KIAA1549: variants seen among roughly 807,000 people sequenced by gnomAD.
KIAA1549 encodes the protein UPF0606 protein KIAA1549.
In KIAA1549, 70 loss-of-function variants were observed where a neutral mutation model predicts 156.4. The observed-to-expected ratio is 0.45, with a 90% confidence interval of 0.37 to 0.55. The LOEUF (loss-of-function observed/expected upper bound fraction) is 0.55. Ranked by LOEUF, KIAA1549 falls within the 20% of genes least tolerant of loss-of-function variation. KIAA1549 has a pLI of 0.00. For synonymous variants in KIAA1549, 1,103 were observed against 1,066.4 expected (o/e 1.03, Z -0.67); for missense variants, 2,428 against 2,540.9 (o/e 0.96, Z 0.96).
chr7:138,965,267 C>T (rs1020738398), intron 1 of KIAA1549, among the ~76,000 whole-genome samples: 1 of 152,142 alleles, frequency 6.6e-6, no homozygotes, highest in African/African-American at 2.4e-5. Context: ...CAAATGATTG[C>T]AATGAATGTA....
intron 3 of KIAA1549, 102 bp downstream of exon 3, chr7:138,912,270 A>G: frequency 1.2e-6 from 1 of 815,782 alleles, no homozygotes; most frequent in South Asian, 1.4e-5. Context: ...GAAGAGATGA[A>G]ATAGAATGAT....
chr7:138,846,292 TG>T (rs1294238310), intron 17 of KIAA1549, among the ~76,000 whole-genome samples: 1 of 152,096 alleles, frequency 6.6e-6, no homozygotes, highest in Non-Finnish European at 1.5e-5. Flanking sequence ...CCCAGCACTT[TG>T]GGAGGCCAAG....
intron 18 of KIAA1549, among the ~76,000 whole-genome samples, chr7:138,841,178 C>G (rs1809906065): frequency 1.3e-5 from 2 of 152,194 alleles, no homozygotes; most frequent in South Asian, 4.1e-4. Context: ...CACCATGAAG[C>G]TGAAGCCTGG....
intron 10 of KIAA1549, among the ~76,000 whole-genome samples, chr7:138,887,838 T>C (rs1309239660): frequency 6.6e-6 from 1 of 152,184 alleles, no homozygotes; most frequent in East Asian, 1.9e-4. Context: ...ACTGTGAACT[T>C]AGATATTCTG....
At chr7:138,847,965 AT>A (rs1177633056) in intron 17 of KIAA1549, among the ~76,000 whole-genome samples, 1 of 152,016 alleles carries the variant, frequency 6.6e-6, no homozygotes, top group African/African-American at 2.4e-5. Flanking sequence ...CATCTTTGAA[AT>A]TTTTTTCTTT....
chr7:138,968,871 A>G (rs1814125851), intron 1 of KIAA1549, among the ~76,000 whole-genome samples: 1 of 151,876 alleles, frequency 6.6e-6, no homozygotes. Context: ...AAAAAAAAAA[A>G]AAAAAAAAAC....
At position 138,845,692 on chromosome 7, in the gene KIAA1549, T is replaced by C. The variant is rs150754188; in HGVS notation, c.5295-1218A>G. Among the ~76,000 whole-genome samples, 123 of 152,268 alleles carry C rather than the reference T, an allele frequency of 8.1e-4. 2 individuals carry two copies. The East Asian group carries it at 0.023, about 28-fold the overall frequency. ...CATTTTGCAGTATCGAAAAATCCCA[T>C]TCATTAATCTCATCATCAAACTCAT... On this transcript the variant is annotated intron_variant, in intron 17 of 19. Transcript: ENST00000422774.
chr7:138,850,017 G>T (rs10243651), intron 17 of KIAA1549, among the ~76,000 whole-genome samples: 2 of 151,952 alleles, frequency 1.3e-5, no homozygotes, highest in African/African-American at 4.8e-5. Flanking sequence ...CAGTGCTTCA[G>T]TGAACATTTG....
At chr7:138,906,005 C>G (rs755462622) in intron 6 of KIAA1549, among the ~76,000 whole-genome samples, 9 of 152,196 alleles carry the variant, frequency 5.9e-5, no homozygotes, top group Non-Finnish European at 1.2e-4. Flanking sequence ...GCTCTGACAA[C>G]CACAGATTCG....
Position 138,981,126 on chromosome 7 carries a change from G to C in KIAA1549, c.144C>G (p.Gly48=). ...RRRRPGLLLP[G]LWLLLLARPA... is the part of the protein sequence containing the mutation. The stretch of plus-strand genomic sequence containing the variant: ...GCCGGGCCAGCAGCAGCAGCCAGAG[G>C]CCAGGAAGCAGCAGCCCCGGGCGGC... Residue 48 remains glycine (G), a synonymous_variant, in exon 1 of 20, where the codon GGC becomes GGG. Transcript: ENST00000422774. This position sits in a 1 kb window ranked among gnomAD's most constrained non-coding sequence, Gnocchi z 4.5. 2.5e-6 allele frequency: 3 copies of C among 1,222,124 alleles called. No homozygotes were observed. Among genetic ancestry groups the C allele is most frequent in the Non-Finnish European group, 3.1e-6 (3 of 981,650 alleles). 75.7% of individuals were successfully genotyped at this position (1,222,124 alleles called of 1,614,324 possible). A position where few individuals can be genotyped will look rare whatever the true frequency, so the allele number is the denominator to read the frequency against.
chr7:138,931,749 T>C (rs975916108), intron 1 of KIAA1549, among the ~76,000 whole-genome samples: 7 of 86,778 alleles, frequency 8.1e-5, no homozygotes, highest in African/African-American at 1.7e-4. Context: ...AAAAGTCCCA[T>C]CTCAAAAAAA....
Position 138,981,335 on chromosome 7 carries a change from T to A in KIAA1549, c.-66A>T. The A allele has an allele frequency of 6.0e-5, 35 of 580,718 alleles. No homozygotes were observed. The highest frequency in any genetic ancestry group is 7.5e-5 in the South Asian group (1 of 13,400). The allele number at this position is 580,718 out of a possible 1,614,324, so 36.0% of individuals were successfully genotyped here. On this transcript the variant is annotated 5_prime_UTR_variant, in exon 1 of 20. Coordinates refer to ENST00000422774, the MANE Select transcript of KIAA1549 (RefSeq NM_001164665.2). This position sits in a 1 kb window ranked among gnomAD's most constrained non-coding sequence, Gnocchi z 4.5. ...TCTCGGGTCCGGGAGGGGCGGCCGCTGCGGCTGCGGCTGGGACGGGGCGCC... is the reference window on the plus strand; with the variant it reads ...TCTCGGGTCCGGGAGGGGCGGCCGCAGCGGCTGCGGCTGGGACGGGGCGCC...
chr7:138,840,303 C>G lies in KIAA1549; in HGVS notation c.5453-25G>C, dbSNP rs751170496. On this transcript the variant is annotated intron_variant, in intron 18 of 19. Transcript: ENST00000422774. ...CCTGGAAGGAACATGGTGGAGTGGCCTGGTCAACATTTATAGGAGAGTATG... is the reference window on the plus strand; with the variant it reads ...CCTGGAAGGAACATGGTGGAGTGGCGTGGTCAACATTTATAGGAGAGTATG... The G allele has an allele frequency of 3.8e-6, 6 of 1,594,452 alleles. No individual in the cohort carries two copies. The South Asian group carries it at 6.9e-5, about 18-fold the overall frequency.
chr7:138,903,504 G>T, intron 8 of KIAA1549, 84 bp downstream of exon 8: 1 of 1,348,122 alleles, frequency 7.4e-7, no homozygotes, highest in South Asian at 1.4e-5. Context: ...TAAAAATACA[G>T]GGTTTTAGAT....
chr7:138,900,109 T>C lies in KIAA1549; in HGVS notation c.3670-977A>G, dbSNP rs79527094. Among the ~76,000 whole-genome samples the C allele has an allele frequency of 5.7e-3, 872 of 152,318 alleles. 13 individuals are homozygous for C. The highest frequency in any genetic ancestry group is 0.02 in the African/African-American group (830 of 41,580). On this transcript the variant is annotated intron_variant, in intron 8 of 19. Transcript: ENST00000422774. ...GCAACATGCAGCTGCTACTTCTCTG[T>C]CCACACGTATGGGTTTGTAACACTG... is the stretch of plus-strand genomic sequence containing the variant.
chr7:138,917,463 G>A lies in KIAA1549; in HGVS notation c.2163C>T (p.Ser721=), dbSNP rs1323997138. The change falls in exon 2 of 20, where the codon AGC becomes AGT. Residue 721 remains serine (S), a synonymous_variant. Transcript: ENST00000422774. ...PSRSEVSPWS[S]FPSDSLEFVE... is the part of the protein sequence containing the mutation. ...CAAACTCGAGAGAATCAGAAGGGAA[G>A]CTTGACCATGGTGACACCTCAGAAC... is the stretch of plus-strand genomic sequence containing the variant. 6.2e-7 allele frequency: 1 copy of A among 1,613,904 alleles called. No individual in the cohort carries two copies. The highest frequency in any genetic ancestry group is 2.2e-5 in the East Asian group (1 of 44,884).
chr7:138,975,517 C>T (rs1814348851), intron 1 of KIAA1549, among the ~76,000 whole-genome samples: 1 of 152,112 alleles, frequency 6.6e-6, no homozygotes, highest in Non-Finnish European at 1.5e-5. Context: ...CTACAAGGAG[C>T]TAGAGGGTTA....
At chr7:138,864,293 T>C (rs1311029820) in intron 15 of KIAA1549, among the ~76,000 whole-genome samples, 2 of 152,198 alleles carry the variant, frequency 1.3e-5, no homozygotes, top group Non-Finnish European at 2.9e-5. Flanking sequence ...TCATTCTCAG[T>C]GGCCAGAATT....
intron 10 of KIAA1549, among the ~76,000 whole-genome samples, chr7:138,887,097 A>G (rs1409851306): frequency 2.0e-5 from 3 of 151,990 alleles, no homozygotes; most frequent in African/African-American, 7.2e-5. Flanking sequence ...TTTATTACAG[A>G]TGGGGTTTCA....
Sources: allele counts gnomAD v4.1 joint callset (sites outside exome capture counted in the v4.1 genomes callset), GRCh38; gene constraint gnomAD v4.1.1; non-coding constraint Gnocchi (gnomAD v3.1); transcripts MANE v1.5; gene names NCBI Gene and HGNC (gene_info 2026-07-23, HGNC 2026-07-21).